RANBP2: variants seen among roughly 807,000 people sequenced by gnomAD.
RANBP2 encodes the protein E3 SUMO-protein ligase RanBP2.
In RANBP2, 57 loss-of-function variants were observed where a neutral mutation model predicts 303.6. The ratio of observed to expected loss-of-function variants is 0.19; its 90% CI spans 0.15 to 0.23. The LOEUF is 0.23. Among genes scored for constraint, RANBP2 ranks in the 10% least tolerant of loss-of-function variants. The pLI, the probability that RANBP2 is intolerant of heterozygous loss-of-function variation, is 1.00. For missense variants in RANBP2, 3,138 were observed against 3,780.8 expected (o/e 0.83, Z 4.46); for synonymous variants, 1,167 against 1,301.5 (o/e 0.90, Z 2.23).
At chr2:109,330,668 G>A in the RANBP2 span, among the ~76,000 whole-genome samples, 2 of 152,142 alleles carry the variant, frequency 1.3e-5, no homozygotes, top group East Asian at 3.9e-4. Context: ...AGATTGAGGA[G>A]TGATGGATGG....
the RANBP2 span, among the ~76,000 whole-genome samples, chr2:109,168,366 C>T: frequency 6.6e-6 from 1 of 152,152 alleles, no homozygotes; most frequent in Non-Finnish European, 1.5e-5. Context: ...ACCCAGCTAT[C>T]AGGAGTGAGA....
chr2:109,211,135 T>C, the RANBP2 span, among the ~76,000 whole-genome samples: 2 of 152,174 alleles, frequency 1.3e-5, no homozygotes, highest in African/African-American at 4.8e-5. Context: ...AAAACGTTAC[T>C]TGCAGAATTA....
At chr2:109,720,440 C>T in the RANBP2 span, among the ~76,000 whole-genome samples, 9 of 152,234 alleles carry the variant, frequency 5.9e-5, no homozygotes, top group South Asian at 2.1e-4. Context: ...CGTGTGGGCT[C>T]CATCCCAGAC....
the RANBP2 span, among the ~76,000 whole-genome samples, chr2:109,131,767 C>T: frequency 6.6e-6 from 1 of 152,182 alleles, no homozygotes; most frequent in Non-Finnish European, 1.5e-5. Flanking sequence ...GTTTTACTCA[C>T]CATATGTTGA....
chr2:109,146,310 T>A, the RANBP2 span, among the ~76,000 whole-genome samples: 4 of 152,140 alleles, frequency 2.6e-5, no homozygotes, highest in African/African-American at 9.7e-5. Flanking sequence ...CTGGGACAAA[T>A]TGCCAAAGGG....
At chr2:109,241,826 T>C in the RANBP2 span, among the ~76,000 whole-genome samples, 20 of 150,956 alleles carry the variant, frequency 1.3e-4, no homozygotes, top group Admixed American at 2.6e-4. Flanking sequence ...AGTGCAGTGG[T>C]GCGATCTCGG....
chr2:108,862,114 A>G, the RANBP2 span, among the ~76,000 whole-genome samples: 1 of 146,598 alleles, frequency 6.8e-6, no homozygotes, highest in South Asian at 2.1e-4. Flanking sequence ...TTTCCTGAGC[A>G]TGTGGTCAGT....
chr2:109,625,100 A>AAAAG, the RANBP2 span, among the ~76,000 whole-genome samples: 1 of 150,284 alleles, frequency 6.7e-6, no homozygotes, highest in African/African-American at 2.4e-5. Context: ...AAAAAAAAAA[A>AAAAG]AAAAAAAGAA....
At chr2:109,015,139 A>G in the RANBP2 span, among the ~76,000 whole-genome samples, 4 of 63,858 alleles carry the variant, frequency 6.3e-5, no homozygotes, top group Admixed American at 1.4e-4. Flanking sequence ...AAAAAAAAAA[A>G]AAAAAAAAAA....
chr2:109,593,064 T>C, the RANBP2 span: 1 of 1,598,218 alleles, frequency 6.3e-7, no homozygotes, highest in African/African-American at 1.3e-5. Flanking sequence ...CTGTTCATCA[T>C]CTGATCCTTG....
chr2:108,735,729 A>G lies in RANBP2; in HGVS notation c.603A>G (p.Leu201=). The change falls in exon 5 of 29, where the codon TTA becomes TTG. Residue 201 remains leucine, a synonymous_variant. Transcript: ENST00000283195. ...AERNIALRSS[L]EWNSCVVQTL... The stretch of plus-strand genomic sequence containing the variant: ...GGAACATAGCTTTGCGTTCAAGTTT[A>G]GAATGGAATTCGTGTGTTGTACAGA... 6.3e-7 allele frequency: 1 copy of G among 1,597,636 alleles called. No individual in the cohort carries two copies. The highest frequency in any genetic ancestry group is 8.5e-7 in the Non-Finnish European group (1 of 1,179,792).
the RANBP2 span, among the ~76,000 whole-genome samples, chr2:109,380,461 A>G: frequency 6.6e-6 from 1 of 152,200 alleles, no homozygotes; most frequent in Non-Finnish European, 1.5e-5. Flanking sequence ...TACAGAGCTC[A>G]TCAAGCATGG....
chr2:109,450,793 CTG>C, the RANBP2 span, among the ~76,000 whole-genome samples: 11 of 152,344 alleles, frequency 7.2e-5, no homozygotes, highest in African/African-American at 2.4e-4. Context: ...AGGAGCCACT[CTG>C]TGTATTGGCC....
At chr2:109,049,068 T>A in the RANBP2 span, among the ~76,000 whole-genome samples, 1 of 152,206 alleles carries the variant, frequency 6.6e-6, no homozygotes, top group East Asian at 1.9e-4. Flanking sequence ...AGTTTTGAAG[T>A]ATCCGGAAGG....
intron 17 of RANBP2, 21 bp from the exon 18 acceptor site, chr2:108,758,392 G>A (rs1294317020): frequency 4.3e-6 from 7 of 1,610,212 alleles, no homozygotes; most frequent in Non-Finnish European, 5.9e-6. Context: ...AAAATTATTT[G>A]ATTTTTTTTT....
At chr2:109,298,185 T>C in the RANBP2 span, among the ~76,000 whole-genome samples, 4 of 152,086 alleles carry the variant, frequency 2.6e-5, no homozygotes, top group East Asian at 1.9e-4. Flanking sequence ...TAGCTGGGGA[T>C]AGAGAAGTCA....
chr2:109,736,120 CATT>C, the RANBP2 span, among the ~76,000 whole-genome samples: 2 of 152,220 alleles, frequency 1.3e-5, no homozygotes, highest in African/African-American at 4.8e-5. Context: ...CACACTTCTG[CATT>C]ATTGTTCGAA....
the RANBP2 span, among the ~76,000 whole-genome samples, chr2:108,945,846 C>G: frequency 2.0e-5 from 3 of 152,258 alleles, no homozygotes; most frequent in East Asian, 5.8e-4. Flanking sequence ...TGTATGAGGT[C>G]CCCAGAGTAG....
chr2:109,058,187 G>C, the RANBP2 span, among the ~76,000 whole-genome samples: 5 of 152,184 alleles, frequency 3.3e-5, no homozygotes, highest in African/African-American at 7.2e-5. Context: ...TCTGCATGCA[G>C]GTTGAGCAGC....
Sources: gnomAD v4.1 joint callset for allele counts (sites outside exome capture counted in the v4.1 genomes callset) on GRCh38, gnomAD v4.1.1 for gene constraint, MANE v1.5 for transcripts, NCBI Gene and HGNC (gene_info 2026-07-23, HGNC 2026-07-21) for gene names.